Variants in ZBTB20 observed in about 807,000 individuals in gnomAD.
ZBTB20 encodes zinc finger and BTB domain containing 20.
A neutral mutation model predicts 56.9 loss-of-function variants in ZBTB20; 9 were observed. The observed-to-expected ratio is 0.16, with a 90% CI of 0.10 to 0.28. The LOEUF (loss-of-function observed/expected upper bound fraction) is 0.28. ZBTB20 is among the 10% of genes least tolerant of loss of function. The pLI is 1.00. For synonymous variants in ZBTB20, 417 were observed against 420.7 expected, an observed-to-expected ratio of 0.99 and a Z score of 0.11; for missense variants, 655 against 1,003.0, an observed-to-expected ratio of 0.65 and a Z score of 4.69.
At chr3:114,575,822 G>A (rs1443465958) in intron 6 of ZBTB20, among the ~76,000 whole-genome samples, 2 of 152,172 alleles carry the variant, frequency 1.3e-5, no homozygotes, top group African/African-American at 4.8e-5. Context: ...TAGGGCATAA[G>A]AGGTAAATGT....
At chr3:115,025,039 AAC>A (rs1172606055) in intron 2 of ZBTB20, among the ~76,000 whole-genome samples, 9 of 151,158 alleles carry the variant, frequency 6.0e-5, no homozygotes, top group African/African-American at 1.9e-4. Flanking sequence ...TTATTTCATC[AAC>A]CAGGTATTAA....
intron 7 of ZBTB20, among the ~76,000 whole-genome samples, chr3:114,451,423 G>A (rs1217700433): frequency 6.6e-6 from 1 of 152,094 alleles, no homozygotes; most frequent in African/African-American, 2.4e-5. Flanking sequence ...CCAGCCTCAT[G>A]TGTTAATGGA....
At chr3:115,007,818 A>G (rs921064001) in intron 2 of ZBTB20, among the ~76,000 whole-genome samples, 4 of 151,774 alleles carry the variant, frequency 2.6e-5, no homozygotes, top group East Asian at 2.0e-4. Flanking sequence ...GTCAAATCCA[A>G]TTGAATATAT....
At chr3:114,752,935 G>A (rs2067679257) in intron 5 of ZBTB20, among the ~76,000 whole-genome samples, 1 of 152,032 alleles carries the variant, frequency 6.6e-6, no homozygotes, top group African/African-American at 2.4e-5. Flanking sequence ...ACATACACCA[G>A]AACAAGCACA....
At chr3:114,904,188 G>C (rs954061526) in intron 3 of ZBTB20, 13 of 151,994 alleles carry the variant, frequency 8.6e-5, no homozygotes, top group African/African-American at 3.1e-4. Flanking sequence ...TTCTCCAGTG[G>C]GATAGGTCCA....
At chr3:114,479,640 C>A (rs1466383253) in intron 7 of ZBTB20, among the ~76,000 whole-genome samples, 2 of 152,128 alleles carry the variant, frequency 1.3e-5, no homozygotes, top group Non-Finnish European at 2.9e-5. Context: ...TATAAACATA[C>A]AATTGTGTGG....
intron 2 of ZBTB20, among the ~76,000 whole-genome samples, chr3:115,069,037 C>T (rs1000850291): frequency 6.6e-6 from 1 of 152,054 alleles, no homozygotes; most frequent in African/African-American, 2.4e-5. Context: ...AGAGCACATG[C>T]TTAGGGAGGA....
At chr3:115,130,353 T>A (rs1025758978) in intron 1 of ZBTB20, among the ~76,000 whole-genome samples, 1 of 152,244 alleles carries the variant, frequency 6.6e-6, no homozygotes, top group Non-Finnish European at 1.5e-5. Context: ...GTAATTGGCA[T>A]AATTAACTTA....
intron 3 of ZBTB20, among the ~76,000 whole-genome samples, chr3:114,934,489 G>A (rs2076465616): frequency 6.6e-6 from 1 of 151,980 alleles, no homozygotes; most frequent in African/African-American, 2.4e-5. Flanking sequence ...TAGTATCTGT[G>A]CCTAGAACAT....
In ZBTB20 at chr3:114,335,454, A is replaced by T. The variant is rs2079420711; in HGVS notation, c.*3551T>A. Reference sequence around the variant, plus strand: ...AAAGATATTTGTGATTGTTTAACTTAAAAGTGAGAATTGACAATCTAAAAG... The same window carrying T: ...AAAGATATTTGTGATTGTTTAACTTTAAAGTGAGAATTGACAATCTAAAAG... On this transcript the variant is annotated 3_prime_UTR_variant, in exon 12 of 12. Transcript: ENST00000675478. 1 of 152,232 alleles carries T rather than the reference A, an allele frequency of 6.6e-6. No individual in the cohort carries two copies. The highest frequency in any genetic ancestry group is 1.5e-5 in the Non-Finnish European group (1 of 68,028). 9.4% of individuals were successfully genotyped at this position (152,232 alleles called of 1,614,324 possible).
chr3:114,570,228 G>T (rs1041591458), intron 6 of ZBTB20, among the ~76,000 whole-genome samples: 46 of 151,832 alleles, frequency 3.0e-4, no homozygotes, highest in Non-Finnish European at 1.8e-4. Flanking sequence ...TGAGATCATA[G>T]AATTTTTTTT....
chr3:114,430,535 T>A lies in ZBTB20; in HGVS notation c.-254-41430A>T, dbSNP rs986295486. Among the ~76,000 whole-genome samples the A allele has an allele frequency of 2.0e-4, 30 of 152,306 alleles. No individual in the cohort carries two copies. In the Middle Eastern group the frequency reaches 0.01, roughly 52 times the overall value. On this transcript the variant is annotated intron_variant, in intron 7 of 11. Coordinates refer to ENST00000675478, the MANE Select transcript of ZBTB20 (RefSeq NM_001348800.3). ...AAGTTATGTGCCCAATTAATTCGAA[T>A]ATAAACACACATTTTCTGCCACCTT...
At chr3:114,450,247 T>A (rs569685291) in intron 7 of ZBTB20, among the ~76,000 whole-genome samples, 98 of 152,354 alleles carry the variant, frequency 6.4e-4, no homozygotes, top group Non-Finnish European at 1.2e-3. Flanking sequence ...TAAAGTCAGA[T>A]ACAGCGCATG....
chr3:114,383,710 T>C (rs1014370865), intron 8 of ZBTB20: 1 of 152,238 alleles, frequency 6.6e-6, no homozygotes, highest in African/African-American at 2.4e-5. Flanking sequence ...CCCTCTCTAA[T>C]GGTTCTTCGG....
intron 5 of ZBTB20, among the ~76,000 whole-genome samples, chr3:114,697,441 C>A (rs765321220): frequency 5.3e-4 from 81 of 151,874 alleles, no homozygotes; most frequent in Middle Eastern, 3.4e-3. Context: ...TTGCTGCAGC[C>A]TAGGGCAACT....
chr3:114,995,806 C>T (rs1261317413), intron 2 of ZBTB20, among the ~76,000 whole-genome samples: 2 of 151,762 alleles, frequency 1.3e-5, no homozygotes, highest in Non-Finnish European at 1.5e-5. Flanking sequence ...TTGTAGGATA[C>T]TAACCAAGTC....
chr3:114,529,888 G>C (rs186958805), intron 6 of ZBTB20, among the ~76,000 whole-genome samples: 54 of 152,298 alleles, frequency 3.5e-4, no homozygotes, highest in Non-Finnish European at 5.4e-4. Flanking sequence ...GAAATTCGTA[G>C]TAGTAATTCT....
intron 2 of ZBTB20, among the ~76,000 whole-genome samples, chr3:114,990,817 T>C (rs1421419056): frequency 6.6e-6 from 1 of 152,198 alleles, no homozygotes; most frequent in African/African-American, 2.4e-5. Flanking sequence ...TTTAACTTCT[T>C]CCTAGTTTAG....
At position 114,337,195 on chromosome 3, in the gene ZBTB20, C is replaced by A. The variant is rs535561202; in HGVS notation, c.*1810G>T. The A allele has an allele frequency of 6.6e-6, 1 of 152,238 alleles. No homozygotes were observed. The highest frequency in any genetic ancestry group is 1.5e-5 in the Non-Finnish European group (1 of 68,020). 9.4% of individuals were successfully genotyped at this position (152,238 alleles called of 1,614,324 possible). A position where few individuals can be genotyped will look rare whatever the true frequency, so the allele number is the denominator to read the frequency against. The stretch of plus-strand genomic sequence containing the variant: ...TGATCATCTTATTCAGCCCTCTTAA[C>A]CATGGTGGAAACAGTCAGAAGGTGA... On this transcript the variant is annotated 3_prime_UTR_variant, in exon 12 of 12. Coordinates refer to ENST00000675478, the MANE Select transcript of ZBTB20 (RefSeq NM_001348800.3).
Sources: gnomAD v4.1 joint callset for allele counts (sites outside exome capture counted in the v4.1 genomes callset) on GRCh38, gnomAD v4.1.1 for gene constraint, MANE v1.5 for transcripts, NCBI Gene and HGNC (gene_info 2026-07-23, HGNC 2026-07-21) for gene names.